CUX1: variants seen among roughly 807,000 people sequenced by gnomAD.
CUX1 encodes protein CASP.
A neutral mutation model predicts 158.8 loss-of-function variants in CUX1; 31 were observed. That is an observed-to-expected ratio of 0.20 (90% CI 0.15 to 0.26). The LOEUF (loss-of-function observed/expected upper bound fraction) is 0.26, where lower values mean the gene tolerates loss of function less well. Among genes scored for constraint, CUX1 ranks in the 10% least tolerant of loss-of-function variants. The pLI is 1.00. For missense variants in CUX1, 1,589 were observed against 2,014.6 expected (o/e 0.79, Z 4.04); for synonymous variants, 879 against 862.1 (o/e 1.02, Z -0.34).
downstream of CUX1, among the ~76,000 whole-genome samples, chr7:102,262,339 A>G (rs1161959682): frequency 6.6e-6 from 1 of 151,958 alleles, no homozygotes; most frequent in Non-Finnish European, 1.5e-5. Flanking sequence ...CAGAGGTTGT[A>G]GTGAGCCGTG....
intron 2 of CUX1, chr7:101,932,569 G>A (rs1806408556): frequency 2.2e-6 from 1 of 455,272 alleles, no homozygotes; most frequent in Non-Finnish European, 4.4e-6. Flanking sequence ...TCAGCCACTG[G>A]CAAAGTGAAG....
chr7:101,936,509 G>T (rs149879881), intron 2 of CUX1, among the ~76,000 whole-genome samples: 1 of 152,310 alleles, frequency 6.6e-6, no homozygotes, highest in East Asian at 1.9e-4. Context: ...AGTTAGGGCA[G>T]GATCCCCTGG....
intron 2 of CUX1, among the ~76,000 whole-genome samples, chr7:101,921,434 AT>A (rs1804918614): frequency 6.7e-6 from 1 of 149,528 alleles, no homozygotes; most frequent in Non-Finnish European, 1.5e-5. Flanking sequence ...TCTATGTTTT[AT>A]TTTATTTTAT....
At chr7:102,161,390 C>T (rs1486989918) in intron 9 of CUX1, 1 of 152,078 alleles carries the variant, frequency 6.6e-6, no homozygotes, top group Non-Finnish European at 1.5e-5. Context: ...ATGTTAGTTC[C>T]GTAGCTGCTG....
At chr7:101,956,943 T>G (rs1809854034) in intron 2 of CUX1, among the ~76,000 whole-genome samples, 1 of 152,124 alleles carries the variant, frequency 6.6e-6, no homozygotes, top group African/African-American at 2.4e-5. Flanking sequence ...AGTGAGACCC[T>G]GTCTCAAACA....
intron 2 of CUX1, among the ~76,000 whole-genome samples, chr7:102,026,595 G>A (rs372282811): frequency 1.4e-4 from 22 of 151,838 alleles, no homozygotes; most frequent in Non-Finnish European, 2.5e-4. Context: ...TGAGGTGGGC[G>A]GATCACCTAC....
chr7:102,248,757 C>G lies in CUX1; in HGVS notation c.4233C>G (p.Thr1411=). 9.7e-7 allele frequency: 1 copy of G among 1,033,872 alleles called. No individual in the cohort carries two copies. The highest frequency in any genetic ancestry group is 1.2e-6 in the Non-Finnish European group (1 of 861,054). 64.0% of individuals were successfully genotyped at this position (1,033,872 alleles called of 1,614,324 possible). Residue 1411 remains threonine, a synonymous_variant, in exon 24 of 24, where the codon ACC becomes ACG. Transcript: ENST00000292535. The surrounding 1 kb of genome is among the most constrained non-coding windows in gnomAD (Gnocchi z 5.8). ...PLPSPASATA[T]AAPAAPEDAA... ...CCAGCCCCGCCTCCGCGACCGCCAC[C>G]GCCGCGCCCGCGGCCCCCGAGGACG...
chr7:102,193,189 G>A (rs1345054166), intron 12 of CUX1, among the ~76,000 whole-genome samples: 1 of 152,196 alleles, frequency 6.6e-6, no homozygotes, highest in Non-Finnish European at 1.5e-5. Flanking sequence ...TGGCCGCCCT[G>A]GTGGGTTCCC....
chr7:101,850,476 T>C (rs1051582460), intron 1 of CUX1, among the ~76,000 whole-genome samples: 1 of 149,214 alleles, frequency 6.7e-6, no homozygotes, highest in Admixed American at 6.7e-5. Context: ...CAGGCTGGAA[T>C]TGCCGTGGTG....
intron 2 of CUX1, among the ~76,000 whole-genome samples, chr7:102,020,092 A>G (rs527521264): frequency 1.3e-5 from 2 of 152,354 alleles, no homozygotes; most frequent in Non-Finnish European, 2.9e-5. Flanking sequence ...ATTAAAGCTA[A>G]TGGAATTTTT....
intron 2 of CUX1, among the ~76,000 whole-genome samples, chr7:101,969,459 A>G (rs1041162138): frequency 3.3e-5 from 5 of 152,088 alleles, no homozygotes; most frequent in Non-Finnish European, 5.9e-5. Flanking sequence ...CCCTGTCACA[A>G]ACAAAAGTGA....
At chr7:102,227,951 C>CTTTTTTT (rs781968632) in intron 21 of CUX1, among the ~76,000 whole-genome samples, 1 of 117,300 alleles carries the variant, frequency 8.5e-6, no homozygotes, top group Non-Finnish European at 1.7e-5. Context: ...TCTTTTTTTT[C>CTTTTTTT]TTTTTTTTTT....
At chr7:102,025,995 A>G (rs1254152587) in intron 2 of CUX1, among the ~76,000 whole-genome samples, 1 of 152,142 alleles carries the variant, frequency 6.6e-6, no homozygotes, top group East Asian at 1.9e-4. Flanking sequence ...TGGGCAACAT[A>G]GCAAGACCCT....
intron 11 of CUX1, among the ~76,000 whole-genome samples, chr7:102,182,060 A>C (rs782038853): frequency 2.0e-5 from 3 of 151,930 alleles, no homozygotes; most frequent in Non-Finnish European, 4.4e-5. Context: ...CCCCTCTTTC[A>C]TGTCTTACGG....
intron 2 of CUX1, among the ~76,000 whole-genome samples, chr7:101,921,843 C>T (rs922553951): frequency 1.3e-5 from 2 of 152,074 alleles, no homozygotes; most frequent in African/African-American, 4.8e-5. Flanking sequence ...TGTGGCCAGA[C>T]ACAGTGGCTT....
chr7:101,907,373 G>C (rs1444383588), intron 1 of CUX1, among the ~76,000 whole-genome samples: 2 of 151,902 alleles, frequency 1.3e-5, no homozygotes, highest in Non-Finnish European at 2.9e-5. Flanking sequence ...TTTGAGACCA[G>C]AGTCTCACTC....
chr7:102,058,753 A>G (rs1323688637), intron 3 of CUX1, among the ~76,000 whole-genome samples: 6 of 152,102 alleles, frequency 3.9e-5, no homozygotes, highest in South Asian at 2.1e-4. Context: ...TGATGTGAAA[A>G]TCTCAGGTAG....
intron 4 of CUX1, among the ~76,000 whole-genome samples, chr7:102,081,216 CCTAT>C (rs1453504857): frequency 1.3e-5 from 2 of 152,144 alleles, no homozygotes; most frequent in Non-Finnish European, 2.9e-5. Context: ...GCATTCCCTC[CCTAT>C]CTAAAACTCC....
At chr7:102,240,582 T>C (rs1800093694) in intron 23 of CUX1, among the ~76,000 whole-genome samples, 1 of 152,134 alleles carries the variant, frequency 6.6e-6, no homozygotes, top group African/African-American at 2.4e-5. Context: ...TTAGTGATTT[T>C]GCAGTGCTTT....
Sources: gnomAD v4.1 joint callset for allele counts (sites outside exome capture counted in the v4.1 genomes callset) on GRCh38, gnomAD v4.1.1 for gene constraint, Gnocchi (gnomAD v3.1) non-coding constraint, MANE v1.5 for transcripts, NCBI Gene and HGNC (gene_info 2026-07-23, HGNC 2026-07-21) for gene names.